TBL3: variants seen among roughly 807,000 people sequenced by gnomAD.
The protein encoded by TBL3 is transducin beta like 3, also known as transducin beta-like protein 3.
TBL3 carries 71 observed loss-of-function variants against 102.7 expected under a neutral mutation model. The ratio of observed to expected loss-of-function variants is 0.69; its 90% CI spans 0.57 to 0.84. The LOEUF (loss-of-function observed/expected upper bound fraction) is 0.84. TBL3 is among the 40% of genes least tolerant of loss of function. TBL3 has a pLI of 0.00. For synonymous variants in TBL3, 578 were observed against 477.7 expected, an observed-to-expected ratio of 1.21 and a Z score of -2.74; for missense variants, 1,188 against 1,098.5, an observed-to-expected ratio of 1.08 and a Z score of -1.15.
chr16:1,974,203 C>A lies in TBL3; in HGVS notation c.100C>A (p.Gln34Lys). 2 of 1,588,446 alleles carry A rather than the reference C, an allele frequency of 1.3e-6. No homozygotes were observed. The highest frequency in any genetic ancestry group is 1.7e-6 in the Non-Finnish European group (2 of 1,165,374). Residue 34 changes from glutamine to lysine, a missense_variant, in exon 3 of 22, where the codon CAG becomes AAG. Gln to Lys is a moderately conservative substitution (Grantham distance 53). Transcript: ENST00000568546. ...GAGACCTCTCTGTCCCCAGCTGGAC[C>A]AGACTGGCCAGCACCTCTTCTGCGT... is the stretch of plus-strand genomic sequence containing the variant. ...FYKGGKAQLD[Q>K]TGQHLFCVCG...
At position 1,975,030 on chromosome 16, in the gene TBL3, T is replaced by C. The variant is rs181969332; in HGVS notation, c.567T>C (p.Ala189=). 1.4e-5 allele frequency: 22 copies of C among 1,607,308 alleles called. No homozygotes were observed. The highest frequency in any genetic ancestry group is 1.8e-5 in the Non-Finnish European group (21 of 1,179,974). Residue 189 remains alanine (A), a synonymous_variant, in exon 7 of 22, where the codon GCT becomes GCC. Coordinates refer to ENST00000568546, the MANE Select transcript of TBL3 (RefSeq NM_006453.3). ...VWSLQDRSCL[A]VLTAHYSAVT... is the part of the protein sequence containing the mutation. The stretch of plus-strand genomic sequence containing the variant: ...CACTGCAGGACCGGTCATGCCTGGC[T>C]GTGCTGACTGCCCACTACAGCGCCG...
rs763870048 is a variant in TBL3, at chr16:1,977,051, C to T, written c.1441-3C>T. 6.2e-7 allele frequency: 1 copy of T among 1,613,088 alleles called. No homozygotes were observed. The highest frequency in any genetic ancestry group is 8.5e-7 in the Non-Finnish European group (1 of 1,179,742). On this transcript the variant is annotated splice_region_variant and splice_polypyrimidine_tract_variant and intron_variant, in intron 14 of 21. Transcript: ENST00000568546. ...CTGAGCCACCACCTTCTCCCATTGC[C>T]AGGACATCAACAGCGTGGCTATTGC...
In TBL3 at chr16:1,979,277, C is replaced by T. The variant is rs1230843051; in HGVS notation, c.*592C>T. 1.3e-6 allele frequency: 2 copies of T among 1,551,502 alleles called. 1 individual carries two copies. The highest frequency in any genetic ancestry group is 2.7e-5 in the African/African-American group (2 of 72,822). On this transcript the variant is annotated 3_prime_UTR_variant, in exon 22 of 22. Coordinates refer to ENST00000568546, the MANE Select transcript of TBL3 (RefSeq NM_006453.3). ...GGTCGTCTCCTCCACGGAACCCCGT[C>T]CCGCTCAGGAGAGCGCCCAGCCCTT... is the stretch of plus-strand genomic sequence containing the variant.
chr16:1,979,168 C>A lies in TBL3; in HGVS notation c.*483C>A. The A allele has an allele frequency of 2.7e-6, 4 of 1,456,358 alleles. No individual in the cohort carries two copies. Among genetic ancestry groups the A allele is most frequent in the Non-Finnish European group, 3.6e-6 (4 of 1,113,796 alleles). 90.2% of individuals were successfully genotyped at this position (1,456,358 alleles called of 1,614,324 possible). Reference sequence around the variant, plus strand: ...ACGGTGCAGCAGCGGCTCTGGATGGCGCCCGGCGAAGGTCGGGTGGGCACG... The same window carrying A: ...ACGGTGCAGCAGCGGCTCTGGATGGAGCCCGGCGAAGGTCGGGTGGGCACG... On this transcript the variant is annotated 3_prime_UTR_variant, in exon 22 of 22. Coordinates refer to ENST00000568546, the MANE Select transcript of TBL3 (RefSeq NM_006453.3).
intron 11 of TBL3, 32 bp from the exon 12 acceptor site, chr16:1,976,024 T>A (rs2083398687): frequency 6.2e-7 from 1 of 1,614,082 alleles, no homozygotes. Context: ...CCCGTCTTGC[T>A]GTGTGACCTA....
Position 1,974,395 on chromosome 16 carries a change from C to G in TBL3, c.209C>G (p.Thr70Ser). Residue 70 changes from threonine to serine, a missense_variant, in exon 4 of 22, where the codon ACT becomes AGT. Transcript: ENST00000568546. ...TCCTAGGAGGACCAGGAGGACATCA[C>G]TGCCTTTGACCTCAGCCCTGACAAC... ...SLEQEDQEDI[T>S]AFDLSPDNEV... 6.2e-7 allele frequency: 1 copy of G among 1,610,860 alleles called. No homozygotes were observed. Among genetic ancestry groups the G allele is most frequent in the African/African-American group, 1.3e-5 (1 of 75,018 alleles).
Position 1,972,190 on chromosome 16 carries a change from G to T in TBL3, c.26G>T (p.Gly9Val). ...ATGGCAGAGACCGCGGCCGGAGTGG[G>T]CCGCTTCAAGACCAAGTGAGCCCGG... MAETAAGV[G>V]RFKTNYAVER... is the part of the protein sequence containing the mutation. Residue 9 changes from glycine to valine, a missense_variant, in exon 1 of 22, where the codon GGC (glycine) becomes GTC (valine). By Grantham distance (109) the Gly-to-Val change is moderately radical. Coordinates refer to ENST00000568546, the MANE Select transcript of TBL3 (RefSeq NM_006453.3). The T allele has an allele frequency of 7.0e-7, 1 of 1,425,526 alleles. No homozygotes were observed. The highest frequency in any genetic ancestry group is 9.2e-7 in the Non-Finnish European group (1 of 1,086,748). The allele number at this position is 1,425,526 out of a possible 1,614,324, so 88.3% of individuals were successfully genotyped here.
rs144775911 is a variant in TBL3, at chr16:1,977,529, C to T, written c.1758C>T (p.Leu586=). 1.1e-5 allele frequency: 17 copies of T among 1,605,384 alleles called. No homozygotes were observed. Among genetic ancestry groups the T allele is most frequent in the African/African-American group, 4.0e-5 (3 of 74,836 alleles). ...CCAAACCCAGCGGTTCGGATGGCCT[C>T]GTGAAGCTCTGGACCATCAAGAACA... ...TQLLSSGSDG[L]VKLWTIKNNE... Residue 586 remains leucine (L), a synonymous_variant, in exon 17 of 22, where the codon CTC becomes CTT. Transcript: ENST00000568546.
rs1414438459 is a variant in TBL3 at position 1,975,046 on chromosome 16, T to C, written c.583T>C (p.Tyr195His). ...RSCLAVLTAH[Y>H]SAVTSLAFSA... ...ATGCCTGGCTGTGCTGACTGCCCAC[T>C]ACAGCGCCGTCACCTCACTGGCCTT... is the stretch of plus-strand genomic sequence containing the variant. Residue 195 changes from tyrosine (Y) to histidine (H), a missense_variant, in exon 7 of 22, where the codon TAC becomes CAC. Physicochemically the swap from Tyr to His is moderately conservative, Grantham distance 83. Coordinates refer to ENST00000568546, the MANE Select transcript of TBL3 (RefSeq NM_006453.3). 3.1e-6 allele frequency: 5 copies of C among 1,607,746 alleles called. No individual in the cohort carries two copies. The highest frequency in any genetic ancestry group is 1.7e-4 in the Middle Eastern group (1 of 6,060).
At position 1,977,291 on chromosome 16, in the gene TBL3, G is replaced by C; in HGVS notation, c.1671+7G>C. 1 of 1,613,378 alleles carries C rather than the reference G, an allele frequency of 6.2e-7. No individual in the cohort carries two copies. Among genetic ancestry groups the C allele is most frequent in the Non-Finnish European group, 8.5e-7 (1 of 1,179,938 alleles). ...GGACTTCAGCTGTCTCAAGGTAAGTGGCGCTCCAGACCCTCCCCACTTCCC... is the reference window on the plus strand; with the variant it reads ...GGACTTCAGCTGTCTCAAGGTAAGTCGCGCTCCAGACCCTCCCCACTTCCC... On this transcript the variant is annotated splice_region_variant and intron_variant, in intron 15 of 21. Transcript: ENST00000568546.
chr16:1,980,778 C>T lies in TBL3; in HGVS notation c.*2093C>T, dbSNP rs2083492362. 3 of 1,544,972 alleles carry T rather than the reference C, an allele frequency of 1.9e-6. No individual in the cohort carries two copies. The highest frequency in any genetic ancestry group is 2.6e-6 in the Non-Finnish European group (3 of 1,134,998). On this transcript the variant is annotated 3_prime_UTR_variant, in exon 22 of 22. Coordinates refer to ENST00000568546, the MANE Select transcript of TBL3 (RefSeq NM_006453.3). ...TTGGTCTTCCAGAGCCCACTGTGCA[C>T]CCTTGAGAGGGCGGGGTCCCTCACC...
intron 5 of TBL3, 36 bp from the exon 6 acceptor site, chr16:1,974,727 T>C (rs1361619836): frequency 1.1e-5 from 18 of 1,612,064 alleles, no homozygotes; most frequent in Non-Finnish European, 1.4e-5. Flanking sequence ...TGCAGGGGCT[T>C]TGGGCATTCC....
Position 1,975,039 on chromosome 16 carries a change from T to C in TBL3, c.576T>C (p.Thr192=), listed in dbSNP as rs921893523. The change falls in exon 7 of 22, where the codon ACT becomes ACC. Residue 192 remains threonine, a synonymous_variant. Transcript: ENST00000568546. ...LQDRSCLAVL[T]AHYSAVTSLA... ...ACCGGTCATGCCTGGCTGTGCTGAC[T>C]GCCCACTACAGCGCCGTCACCTCAC... The C allele has an allele frequency of 1.2e-6, 2 of 1,607,490 alleles. No homozygotes were observed. The highest frequency in any genetic ancestry group is 8.5e-7 in the Non-Finnish European group (1 of 1,179,992).
Position 1,974,071 on chromosome 16 carries a change from C to T in TBL3, c.57C>T (p.Arg19=). The T allele has an allele frequency of 6.3e-7, 1 of 1,579,928 alleles. No homozygotes were observed. Among genetic ancestry groups the T allele is most frequent in the Non-Finnish European group, 8.6e-7 (1 of 1,157,406 alleles). The part of the protein sequence containing the change: ...GRFKTNYAVE[R]KIEPFYKGGK... ...CTCCTTCCAGCTATGCTGTGGAGCG[C>T]AAAATTGAGCCTTTCTACAAGGGCG... Residue 19 remains arginine (R), a synonymous_variant, in exon 2 of 22, where the codon CGC becomes CGT. Transcript: ENST00000568546.
In TBL3 at chr16:1,974,095, C is replaced by T. The variant is rs373825332; in HGVS notation, c.81C>T (p.Gly27=). The change falls in exon 2 of 22, where the codon GGC becomes GGT. Residue 27 remains glycine, a synonymous_variant. Coordinates refer to ENST00000568546, the MANE Select transcript of TBL3 (RefSeq NM_006453.3). ...VERKIEPFYK[G]GKAQLDQTGQ... is the part of the protein sequence containing the mutation. ...GCAAAATTGAGCCTTTCTACAAGGG[C>T]GGAAAAGCACAGGTACCAGCCTGGG... is the stretch of plus-strand genomic sequence containing the variant. 1.3e-4 allele frequency: 206 copies of T among 1,584,824 alleles called. No individual in the cohort carries two copies. The highest frequency in any genetic ancestry group is 1.6e-4 in the Non-Finnish European group (183 of 1,160,240).
Position 1,975,487 on chromosome 16 carries a change from G to A in TBL3, c.806-42G>A, listed in dbSNP as rs749505003. 8.7e-6 allele frequency: 14 copies of A among 1,604,972 alleles called. 1 individual carries two copies. The highest frequency in any genetic ancestry group is 3.3e-4 in the Middle Eastern group (2 of 5,994). On this transcript the variant is annotated intron_variant, in intron 9 of 21. Transcript: ENST00000568546. ...AGGCGGTAGGGGCTGGGGAAGGCCT[G>A]TGGACCTGAGAGTCTCAGCAGCCCT... is the stretch of plus-strand genomic sequence containing the variant.
Position 1,975,612 on chromosome 16 carries a change from C to T in TBL3, c.889C>T (p.His297Tyr). Residue 297 changes from histidine to tyrosine, a missense_variant, in exon 10 of 22, where the codon CAC (histidine) becomes TAC (tyrosine). By Grantham distance (83) the His-to-Tyr change is moderately conservative. Coordinates refer to ENST00000568546, the MANE Select transcript of TBL3 (RefSeq NM_006453.3). Reference protein sequence around the residue: ...QPPGPGQELTHCTLAHTAGVV... With the variant: ...QPPGPGQELTYCTLAHTAGVV... The stretch of plus-strand genomic sequence containing the variant: ...GCCGGGCCCTGGGCAGGAGCTGACC[C>T]ACTGCACCCTGGCACACACCGCCGG... 1 of 1,602,494 alleles carries T rather than the reference C, an allele frequency of 6.2e-7. No homozygotes were observed. Among genetic ancestry groups the T allele is most frequent in the Non-Finnish European group, 8.5e-7 (1 of 1,179,738 alleles).
Position 1,979,013 on chromosome 16 carries a change from G to A in TBL3, c.*328G>A, listed in dbSNP as rs753111158. On this transcript the variant is annotated 3_prime_UTR_variant, in exon 22 of 22. Coordinates refer to ENST00000568546, the MANE Select transcript of TBL3 (RefSeq NM_006453.3). ...GCCCTCCCCGCTCCTCCCCAGCCCT[G>A]GGATGGCGCGGTCCATCCCCTCATC... is the stretch of plus-strand genomic sequence containing the variant. 18 of 1,514,900 alleles carry A rather than the reference G, an allele frequency of 1.2e-5. No homozygotes were observed. Among genetic ancestry groups the A allele is most frequent in the Non-Finnish European group, 1.6e-5 (18 of 1,139,058 alleles). The allele number at this position is 1,514,900 out of a possible 1,614,324, so 93.8% of individuals were successfully genotyped here.
rs8052713 is a variant in TBL3 at position 1,975,603 on chromosome 16, G to A, written c.880G>A (p.Glu294Lys). ...TQAQPPGPGQ[E>K]LTHCTLAHTA... ...GGCCCAGCCGCCGGGCCCTGGGCAG[G>A]AGCTGACCCACTGCACCCTGGCACA... is the stretch of plus-strand genomic sequence containing the variant. The change falls in exon 10 of 22, where the codon GAG (glutamate) becomes AAG (lysine). Residue 294 changes from glutamate (E) to lysine (K), a missense_variant. Glu to Lys is a moderately conservative substitution (Grantham distance 56). Coordinates refer to ENST00000568546, the MANE Select transcript of TBL3 (RefSeq NM_006453.3). The A allele has an allele frequency of 6.9e-6, 11 of 1,601,388 alleles. No individual in the cohort carries two copies. The highest frequency in any genetic ancestry group is 9.3e-6 in the Non-Finnish European group (11 of 1,179,460).
Sources: gnomAD v4.1 joint callset for allele counts on GRCh38, gnomAD v4.1.1 for gene constraint, MANE v1.5 for transcripts, NCBI Gene and HGNC (gene_info 2026-07-23, HGNC 2026-07-21) for gene names.